RYR2: variants seen among roughly 807,000 people sequenced by gnomAD.
RYR2 encodes ryanodine receptor 2, also known as cardiac muscle ryanodine receptor-calcium release channel.
In RYR2, 227 loss-of-function variants were observed where a neutral mutation model predicts 601.1. The ratio of observed to expected loss-of-function variants is 0.38; its 90% CI spans 0.34 to 0.42. The LOEUF is 0.42. RYR2 is among the 10% of genes least tolerant of loss of function. The pLI is 1.00. For synonymous variants in RYR2, 2,223 were observed against 2,175.1 expected (o/e 1.02, Z -0.61); for missense variants, 4,646 against 6,156.5 (o/e 0.75, Z 8.21).
At chr1:237,575,077 G>A (rs1051672941) in intron 29 of RYR2, among the ~76,000 whole-genome samples, 1 of 152,214 alleles carries the variant, frequency 6.6e-6, no homozygotes, top group Admixed American at 6.5e-5. Context: ...ACACCAGTCT[G>A]TTTAGAGAGA....
chr1:237,097,881 C>T (rs1201543899), intron 1 of RYR2, among the ~76,000 whole-genome samples: 1 of 152,134 alleles, frequency 6.6e-6, no homozygotes, highest in Non-Finnish European at 1.5e-5. Flanking sequence ...AAGTGAGTGC[C>T]CCCAATCCTG....
intron 69 of RYR2, 135 bp from the exon 70 acceptor site, chr1:237,709,345 T>A (rs12239308): frequency 0.025 from 17,411 of 689,304 alleles, 257 homozygotes; most frequent in Middle Eastern, 0.053. Flanking sequence ...AATTTTTTTT[T>A]AAATATTACA....
chr1:237,521,530 G>A (rs1322525298), intron 24 of RYR2, among the ~76,000 whole-genome samples: 2 of 149,938 alleles, frequency 1.3e-5, no homozygotes, highest in African/African-American at 2.4e-5. Flanking sequence ...GAGCAGCCTG[G>A]CCAACATGGT....
At chr1:237,344,844 G>A (rs1698156823) in intron 3 of RYR2, among the ~76,000 whole-genome samples, 1 of 151,984 alleles carries the variant, frequency 6.6e-6, no homozygotes, top group South Asian at 2.1e-4. Flanking sequence ...GTCTCGCTCT[G>A]TCACTGGGCT....
At chr1:237,202,337 G>A (rs1242476328) in intron 1 of RYR2, among the ~76,000 whole-genome samples, 2 of 152,042 alleles carry the variant, frequency 1.3e-5, no homozygotes, top group African/African-American at 4.8e-5. Context: ...GAATAGATTT[G>A]ATGGTCACTT....
intron 1 of RYR2, among the ~76,000 whole-genome samples, chr1:237,209,936 T>A (rs1258712476): frequency 2.0e-5 from 3 of 152,244 alleles, no homozygotes; most frequent in Non-Finnish European, 4.4e-5. Flanking sequence ...CATCTCTTTC[T>A]ATGTTTTAAA....
At chr1:237,110,745 G>A (rs1000700242) in intron 1 of RYR2, among the ~76,000 whole-genome samples, 5 of 152,046 alleles carry the variant, frequency 3.3e-5, no homozygotes, top group African/African-American at 9.7e-5. Context: ...TTTCTCCCTC[G>A]GGGTACCAAT....
intron 2 of RYR2, among the ~76,000 whole-genome samples, chr1:237,317,672 C>T (rs764378590): frequency 2.7e-4 from 40 of 149,804 alleles, no homozygotes; most frequent in East Asian, 1.2e-3. Flanking sequence ...TCATTTTTTT[C>T]TCTCTCTCTC....
intron 1 of RYR2, among the ~76,000 whole-genome samples, chr1:237,071,061 G>A (rs12087761): frequency 0.019 from 2,953 of 152,280 alleles, 90 homozygotes; most frequent in African/African-American, 0.067. Context: ...CTAGTCCAGC[G>A]TCTGGGAAGA....
intron 1 of RYR2, among the ~76,000 whole-genome samples, chr1:237,208,575 G>A (rs1480703399): frequency 2.0e-5 from 3 of 151,970 alleles, no homozygotes; most frequent in African/African-American, 4.8e-5. Flanking sequence ...CTTTATGGTG[G>A]CATAATTGTC....
chr1:237,477,782 C>T (rs1661575221), intron 17 of RYR2, among the ~76,000 whole-genome samples: 1 of 152,050 alleles, frequency 6.6e-6, no homozygotes, highest in South Asian at 2.1e-4. Context: ...CTCAAGCCAA[C>T]TTGCCTCTTG....
intron 84 of RYR2, among the ~76,000 whole-genome samples, chr1:237,762,747 A>G (rs1209617648): frequency 6.6e-6 from 1 of 152,228 alleles, no homozygotes; most frequent in Non-Finnish European, 1.5e-5. Flanking sequence ...TTTTCAACAC[A>G]TAAGAAAATA....
chr1:237,675,024 G>A (rs1323490287), intron 60 of RYR2, among the ~76,000 whole-genome samples, 178 bp downstream of exon 60: 1 of 152,086 alleles, frequency 6.6e-6, no homozygotes, highest in East Asian at 1.9e-4. Context: ...TGGGGAGTGG[G>A]TAAAATCTGT....
chr1:237,445,378 G>A, intron 13 of RYR2, 23 bp from the exon 14 acceptor site: 2 of 1,612,392 alleles, frequency 1.2e-6, no homozygotes, highest in Non-Finnish European at 1.7e-6. Context: ...GGGAGTAATG[G>A]CCTTATTTTT....
chr1:237,284,794 TA>T (rs1341471899), intron 2 of RYR2, among the ~76,000 whole-genome samples: 11 of 151,890 alleles, frequency 7.2e-5, no homozygotes, highest in Non-Finnish European at 1.5e-4. Flanking sequence ...GCAGCTATTG[TA>T]AAAGGGGTCG....
intron 1 of RYR2, among the ~76,000 whole-genome samples, chr1:237,244,074 C>T (rs1303608119): frequency 6.6e-6 from 1 of 152,042 alleles, no homozygotes; most frequent in Non-Finnish European, 1.5e-5. Context: ...TTATCCAAAT[C>T]AATTGAACTG....
At chr1:237,563,278 G>A (rs2148215100) in intron 27 of RYR2, among the ~76,000 whole-genome samples, 1 of 152,070 alleles carries the variant, frequency 6.6e-6, no homozygotes. Flanking sequence ...TTGGATGGTG[G>A]CACATGCCTG....
At chr1:237,574,251 T>G (rs1373183959) in intron 29 of RYR2, among the ~76,000 whole-genome samples, 1 of 152,174 alleles carries the variant, frequency 6.6e-6, no homozygotes. Flanking sequence ...GAAGCAGTTT[T>G]TAGATGAGCT....
intron 2 of RYR2, among the ~76,000 whole-genome samples, chr1:237,323,590 AT>A (rs2149534473): frequency 6.6e-6 from 1 of 152,354 alleles, no homozygotes; most frequent in Admixed American, 6.5e-5. Flanking sequence ...AGGATGTTGT[AT>A]TATGAAAGAT....
Sources: gnomAD v4.1 joint callset for allele counts (sites outside exome capture counted in the v4.1 genomes callset) on GRCh38, gnomAD v4.1.1 for gene constraint, MANE v1.5 for transcripts, NCBI Gene and HGNC (gene_info 2026-07-23, HGNC 2026-07-21) for gene names.